C12orf76: variants seen among roughly 807,000 people sequenced by gnomAD.
The protein encoded by C12orf76 is uncharacterized protein C12orf76.
Under a neutral mutation model 6.8 loss-of-function variants are expected in C12orf76, and 6 were observed. That is an observed-to-expected ratio of 0.88 (90% CI 0.48 to 1.73). The LOEUF (loss-of-function observed/expected upper bound fraction) is 1.73, where lower values mean the gene tolerates loss of function less well. C12orf76 is among the 40% of genes most tolerant of loss of function. C12orf76 has a pLI of 0.01. For missense variants in C12orf76, 99 were observed against 98.2 expected (o/e 1.01, Z -0.03); for synonymous variants, 56 against 43.7 (o/e 1.28, Z -1.11).
upstream of C12orf76, chr12:110,051,222 G>A: frequency 1.3e-6 from 1 of 767,166 alleles, no homozygotes. Flanking sequence ...GGGGTGGGAG[G>A]CAGGCTCTGC....
chr12:110,053,237 G>A (rs1428591476), upstream of C12orf76, among the ~76,000 whole-genome samples: 2 of 151,330 alleles, frequency 1.3e-5, no homozygotes, highest in Non-Finnish European at 2.9e-5. Context: ...GGTGGCTCAC[G>A]CCTGTAATCC....
At chr12:110,068,446 C>G (rs908185401), upstream of C12orf76, among the ~76,000 whole-genome samples, 1 of 152,182 alleles carries the variant, frequency 6.6e-6, no homozygotes, top group African/African-American at 2.4e-5. Flanking sequence ...TCTTCAACTG[C>G]CCAGTTACAT....
chr12:110,068,303 A>AGAAGAAGAAGAAGAG (rs1491362436), upstream of C12orf76, among the ~76,000 whole-genome samples: 11 of 145,912 alleles, frequency 7.5e-5, no homozygotes, highest in African/African-American at 2.7e-4. Context: ...AAGAAGAAGA[A>AGAAGAAGAAGAAGAG]GAAGAAGAAG....
chr12:110,060,017 T>G (rs74880204), intron 2 of C12orf76, among the ~76,000 whole-genome samples: 10,436 of 152,212 alleles, frequency 0.069, 588 homozygotes, highest in African/African-American at 0.15. Flanking sequence ...TCAACTTCCC[T>G]TTCTCTCCTG....
At chr12:110,055,439 T>C (rs1003962987) in intron 4 of C12orf76, among the ~76,000 whole-genome samples, 3 of 152,114 alleles carry the variant, frequency 2.0e-5, no homozygotes, top group South Asian at 2.1e-4. Flanking sequence ...ACTCCTGACT[T>C]CAGGTGATCC....
intron 1 of C12orf76, among the ~76,000 whole-genome samples, chr12:110,046,650 G>C (rs1440683772): frequency 6.6e-6 from 1 of 152,194 alleles, no homozygotes; most frequent in Non-Finnish European, 1.5e-5. Context: ...ATGTCAAACT[G>C]TTAAGTTTCT....
At chr12:110,050,170 T>C (rs997931909), upstream of C12orf76, 4 of 152,106 alleles carry the variant, frequency 2.6e-5, no homozygotes, top group Admixed American at 6.6e-5. Flanking sequence ...CATGAGGGAA[T>C]TGAGCTAAGT....
chr12:110,066,904 C>T (rs1892876483), intron 1 of C12orf76, among the ~76,000 whole-genome samples: 1 of 152,202 alleles, frequency 6.6e-6, no homozygotes, highest in Non-Finnish European at 1.5e-5. Context: ...ACACCATCTC[C>T]ATGGCGACGG....
chr12:110,044,960 C>G (rs757106328), intron 1 of C12orf76, among the ~76,000 whole-genome samples: 24 of 151,462 alleles, frequency 1.6e-4, no homozygotes, highest in Non-Finnish European at 2.6e-4. Context: ...GCAACAAGAG[C>G]GAAACTCCGT....
intron 1 of C12orf76, among the ~76,000 whole-genome samples, chr12:110,043,047 G>A (rs1474340504): frequency 2.6e-5 from 4 of 151,312 alleles, no homozygotes; most frequent in African/African-American, 7.3e-5. Context: ...GCCACTAAGC[G>A]ACAGAATGAA....
upstream of C12orf76, among the ~76,000 whole-genome samples, chr12:110,070,497 T>C (rs1221553388): frequency 6.6e-6 from 1 of 150,542 alleles, no homozygotes; most frequent in Admixed American, 6.6e-5. Flanking sequence ...GCCTGAGAAG[T>C]TGAGGCTGCA....
rs1217777826 is a variant in C12orf76 at position 110,054,950 on chromosome 12, G to A, written n.664+2239C>T. 6.6e-6 allele frequency among the ~76,000 whole-genome samples: 1 copy of A among 152,128 alleles called. No individual in the cohort carries two copies. The highest frequency in any genetic ancestry group is 1.5e-5 in the Non-Finnish European group (1 of 68,042). ...AGCCTCCCAAATAGGTGGGACTGCA[G>A]GTGCAGCCACTGTGCCTGGCTGCAG... On this transcript the variant is annotated intron_variant and non_coding_transcript_variant, in intron 4 of 4. Transcript: ENST00000309050. The surrounding 1 kb of genome is among the most constrained non-coding windows in gnomAD (Gnocchi z 4.4).
chr12:110,073,587 C>G (rs1892987441), exon 1 of C12orf76: 1 of 480,054 alleles, frequency 2.1e-6, no homozygotes, highest in Admixed American at 2.2e-5. Flanking sequence ...CAGGGCTCAA[C>G]TCTCCCAGAT....
intron 3 of C12orf76, chr12:110,057,353 C>T (rs748548686): frequency 1.6e-4 from 181 of 1,136,654 alleles, no homozygotes; most frequent in Non-Finnish European, 2.3e-4. Context: ...GTGAACTGCC[C>T]TCATATCCCT....
chr12:110,058,629 C>T (rs368979925), intron 3 of C12orf76, among the ~76,000 whole-genome samples: 2 of 152,026 alleles, frequency 1.3e-5, no homozygotes, highest in African/African-American at 4.8e-5. Flanking sequence ...CATGCCACTG[C>T]ACTGCACTTC....
At chr12:110,066,603 G>T (rs536268484) in intron 1 of C12orf76, among the ~76,000 whole-genome samples, 1 of 151,906 alleles carries the variant, frequency 6.6e-6, no homozygotes, top group African/African-American at 2.4e-5. Context: ...CAAGAGAATC[G>T]CTTGAACCCG....
chr12:110,053,056 C>T (rs143849697), upstream of C12orf76, among the ~76,000 whole-genome samples: 3 of 151,524 alleles, frequency 2.0e-5, no homozygotes, highest in African/African-American at 7.3e-5. Flanking sequence ...GGAAAATTAC[C>T]TGGGCGTGGT....
chr12:110,048,204 G>A lies in C12orf76; in HGVS notation c.133+159C>T, dbSNP rs568305901. On this transcript the variant is annotated intron_variant, in intron 1 of 1. Transcript: ENST00000615315. ...GCCTTCTGCCCCAGGCTTTTGGAGA[G>A]GGAGTCTCGGGGCCCCCTGAGGGGC... Among the ~76,000 whole-genome samples the A allele has an allele frequency of 4.6e-5, 7 of 152,338 alleles. No homozygotes were observed. In the South Asian group the frequency reaches 1.4e-3, roughly 32 times the overall value.
upstream of C12orf76, chr12:110,051,422 C>T: frequency 1.7e-6 from 1 of 605,266 alleles, no homozygotes; most frequent in Non-Finnish European, 2.9e-6. Flanking sequence ...AAAGCTGCTG[C>T]CCCCAATCTC....
Sources: allele counts gnomAD v4.1 joint callset (sites outside exome capture counted in the v4.1 genomes callset), GRCh38; gene constraint gnomAD v4.1.1; non-coding constraint Gnocchi (gnomAD v3.1); transcripts MANE v1.5; gene names NCBI Gene and HGNC (gene_info 2026-07-23, HGNC 2026-07-21).